The following CSF2RA variants were observed in gnomAD, a reference collection of about 807,000 sequenced individuals.
CSF2RA encodes the protein colony stimulating factor 2 receptor subunit alpha, also known as granulocyte-macrophage colony-stimulating factor receptor subunit alpha.
Under a neutral mutation model 51.6 loss-of-function variants are expected in CSF2RA, and 42 were observed. That is an observed-to-expected ratio of 0.81 (90% CI 0.64 to 1.05). CSF2RA has a LOEUF of 1.05. Among genes scored for constraint, CSF2RA ranks in the 50% least tolerant of loss-of-function variants. The pLI is 0.00. For missense variants in CSF2RA, 530 were observed against 501.1 expected, an observed-to-expected ratio of 1.06 and a Z score of -0.55; for synonymous variants, 222 against 193.0, an observed-to-expected ratio of 1.15 and a Z score of -1.24.
intron 10 of CSF2RA, among the ~76,000 whole-genome samples, chrX:1,301,349 A>AAAAAAG (rs1361397536): frequency 2.0e-5 from 3 of 148,364 alleles, no homozygotes; most frequent in Non-Finnish European, 4.4e-5. Flanking sequence ...AAAAAAAAAA[A>AAAAAAG]AAAAAGAAAA....
chrX:1,287,744 C>A (rs1187930687), intron 4 of CSF2RA, among the ~76,000 whole-genome samples: 6 of 124,250 alleles, frequency 4.8e-5, no homozygotes, highest in Middle Eastern at 4.7e-3. Flanking sequence ...ATGTCCGACC[C>A]TTTTTTTGGG....
intron 8 of CSF2RA, among the ~76,000 whole-genome samples, chrX:1,295,175 C>A (rs1427502159): frequency 2.3e-5 from 1 of 43,514 alleles, no homozygotes; most frequent in African/African-American, 8.8e-5. Context: ...AGGAGAACAC[C>A]CTGCCCCAAG....
chrX:1,271,365 C>T lies in CSF2RA; in HGVS notation c.-91+2486C>T, dbSNP rs866689972. Among the ~76,000 whole-genome samples, 3 of 13,064 alleles carry T rather than the reference C, an allele frequency of 2.3e-4. 1 individual carries two copies. The highest frequency in any genetic ancestry group is 1.5e-3 in the Admixed American group (1 of 662). 8.6% of individuals were successfully genotyped at this position (13,064 alleles called of 152,430 possible). On this transcript the variant is annotated intron_variant, in intron 1 of 12. Transcript: ENST00000381529. ...TTTTTTTTTTTTTTTTTGGAGACAG[C>T]GTCTTGCTCTGTCGCCCAGGCTGGA...
the CSF2RA span, among the ~76,000 whole-genome samples, chrX:1,320,997 G>A: frequency 2.6e-5 from 4 of 151,664 alleles, no homozygotes; most frequent in Non-Finnish European, 2.9e-5. Flanking sequence ...ACGCCACCAC[G>A]TCTAGCTAAT....
At chrX:1,278,550 G>C (rs1215820238) in intron 2 of CSF2RA, among the ~76,000 whole-genome samples, 1 of 143,652 alleles carries the variant, frequency 7.0e-6, no homozygotes, top group Non-Finnish European at 1.5e-5. Context: ...AGCCAGGCGT[G>C]TTGGTGCGTG....
chrX:1,286,887 G>T (rs1448768849), intron 4 of CSF2RA, among the ~76,000 whole-genome samples: 1 of 152,056 alleles, frequency 6.6e-6, no homozygotes, highest in East Asian at 1.9e-4. Flanking sequence ...GGTTCCCCAA[G>T]GGATTAAGGT....
intron 12 of CSF2RA, among the ~76,000 whole-genome samples, chrX:1,307,504 CT>C (rs2083719248): frequency 8.0e-6 from 1 of 124,482 alleles, no homozygotes; most frequent in African/African-American, 2.9e-5. Context: ...ATGAGGCCCA[CT>C]CTCCCCGTTT....
chrX:1,294,050 C>T (rs1392332006), intron 7 of CSF2RA: 7 of 252,118 alleles, frequency 2.8e-5, no homozygotes, highest in Non-Finnish European at 4.4e-5. Context: ...GACTGCACCA[C>T]CTCCACCTGG....
intron 2 of CSF2RA, 193 bp from the exon 3 acceptor site, chrX:1,282,485 G>T (rs181469243): frequency 1.3e-5 from 8 of 635,320 alleles, no homozygotes; most frequent in Non-Finnish European, 2.0e-5. Flanking sequence ...AGATGTCCAC[G>T]TCCTAATCCC....
the CSF2RA span, among the ~76,000 whole-genome samples, chrX:1,324,768 TG>T: frequency 6.6e-6 from 1 of 152,026 alleles, no homozygotes; most frequent in Non-Finnish European, 1.5e-5. Context: ...ACGCAAGATG[TG>T]GACGCACGCA....
chrX:1,303,907 C>A lies in CSF2RA; in HGVS notation c.947-16C>A. The A allele has an allele frequency of 1.9e-6, 3 of 1,603,542 alleles. No homozygotes were observed. The highest frequency in any genetic ancestry group is 3.3e-4 in the Middle Eastern group (2 of 6,040). On this transcript the variant is annotated splice_polypyrimidine_tract_variant and intron_variant, in intron 10 of 12. Transcript: ENST00000381529. ...TCAACGATTCACCGCAGACGCAAAC[C>A]TGTGTGTCTCTCCAGGTTCTGACGA...
chrX:1,269,879 G>C (rs1452185105), intron 1 of CSF2RA, among the ~76,000 whole-genome samples: 1 of 152,040 alleles, frequency 6.6e-6, no homozygotes, highest in South Asian at 2.1e-4. Flanking sequence ...AGGCTGAGGC[G>C]GGCGGATCAC....
chrX:1,314,285 T>TGCGCCTGCCCAACCACACA (rs2084335388), downstream of CSF2RA, among the ~76,000 whole-genome samples: 1 of 48,314 alleles, frequency 2.1e-5, no homozygotes, highest in Non-Finnish European at 4.2e-5. Context: ...CCAACCCCAC[T>TGCGCCTGCCCAACCACACA]GCATCTGCCC....
At chrX:1,269,642 A>AG (rs1338918311) in intron 1 of CSF2RA, among the ~76,000 whole-genome samples, 1 of 142,396 alleles carries the variant, frequency 7.0e-6, no homozygotes, top group African/African-American at 2.6e-5. Context: ...AAAAAGAAAA[A>AG]AAAAGAGATG....
chrX:1,322,657 C>G, the CSF2RA span, among the ~76,000 whole-genome samples: 3 of 151,788 alleles, frequency 2.0e-5, no homozygotes, highest in African/African-American at 7.3e-5. Flanking sequence ...CCTGGCTCAG[C>G]TACTCAACAA....
chrX:1,318,442 C>T, the CSF2RA span, among the ~76,000 whole-genome samples: 1 of 151,344 alleles, frequency 6.6e-6, no homozygotes, highest in African/African-American at 2.4e-5. Flanking sequence ...GGATTACAGG[C>T]GTGAGCCACT....
rs1280412987 is a variant in CSF2RA at position 1,289,057 on chromosome X, G to A, written c.473+169G>A. 10 of 859,926 alleles carry A rather than the reference G, an allele frequency of 1.2e-5. No homozygotes were observed. The African/African-American group carries it at 1.3e-4, about 12-fold the overall frequency. 53.3% of individuals were successfully genotyped at this position (859,926 alleles called of 1,614,324 possible). The stretch of plus-strand genomic sequence containing the variant: ...GCTCACTGCAACCTCGACCTCCTGG[G>A]TTCAAGCAATTTTCCTGCCTCAGCT... On this transcript the variant is annotated intron_variant, in intron 6 of 12. Coordinates refer to ENST00000381529, the MANE Select transcript of CSF2RA (RefSeq NM_172245.4).
At chrX:1,292,809 CCGCGAGAGG>C (rs1184248513) in intron 7 of CSF2RA, among the ~76,000 whole-genome samples, 3 of 152,146 alleles carry the variant, frequency 2.0e-5, no homozygotes, top group Admixed American at 2.0e-4. Context: ...CTTATCTCAA[CCGCGAGAGG>C]ACTTCCTCCT....
the CSF2RA span, among the ~76,000 whole-genome samples, chrX:1,321,933 C>T: frequency 7.9e-5 from 12 of 151,860 alleles, no homozygotes; most frequent in African/African-American, 2.7e-4. Flanking sequence ...GTCGGGAGTT[C>T]GAGACCAGCC....
Sources: allele counts gnomAD v4.1 joint callset (sites outside exome capture counted in the v4.1 genomes callset), GRCh38; gene constraint gnomAD v4.1.1; transcripts MANE v1.5; gene names NCBI Gene and HGNC (gene_info 2026-07-23, HGNC 2026-07-21).